Variants in ULK4 observed in about 807,000 individuals in gnomAD.
ULK4 encodes the protein inactive serine/threonine-protein kinase ULK4.
A neutral mutation model predicts 160.6 loss-of-function variants in ULK4; 133 were observed. The ratio of observed to expected loss-of-function variants is 0.83; its 90% confidence interval spans 0.72 to 0.96. The LOEUF is 0.96. Ranked by LOEUF, ULK4 falls within the 40% of genes least tolerant of loss-of-function variation. The pLI, the probability that ULK4 is intolerant of heterozygous loss-of-function variation, is 0.00. For synonymous variants in ULK4, 534 were observed against 539.8 expected, an observed-to-expected ratio of 0.99 and a Z score of 0.15; for missense variants, 1,580 against 1,499.5, an observed-to-expected ratio of 1.05 and a Z score of -0.89.
At chr3:41,569,018 G>C (rs2087879082) in intron 31 of ULK4, among the ~76,000 whole-genome samples, 1 of 152,128 alleles carries the variant, frequency 6.6e-6, no homozygotes, top group African/African-American at 2.4e-5. Flanking sequence ...TTACTATAAA[G>C]GACATTACAA....
intron 31 of ULK4, among the ~76,000 whole-genome samples, chr3:41,595,308 C>T (rs185167732): frequency 1.3e-5 from 2 of 152,122 alleles, no homozygotes; most frequent in Admixed American, 6.5e-5. Flanking sequence ...GATCCTGCCG[C>T]GGTCAACTTC....
chr3:41,334,445 G>A, intron 35 of ULK4, among the ~76,000 whole-genome samples: 1 of 152,240 alleles, frequency 6.6e-6, no homozygotes. Flanking sequence ...GAACCTATAT[G>A]ATGACTCTGG....
At position 41,793,900 on chromosome 3, in the gene ULK4, T is replaced by C. The variant is rs139796991; in HGVS notation, c.2011-4057A>G. Among the ~76,000 whole-genome samples, 931 of 152,338 alleles carry C rather than the reference T, an allele frequency of 6.1e-3. 6 individuals carry two copies. The highest frequency in any genetic ancestry group is 0.022 in the African/African-American group (902 of 41,584). ...CTGAGTGGAAAGGACAAGTTAGTTA[T>C]ATTTTACTCTAAGCCACACTGGTGT... On this transcript the variant is annotated intron_variant, in intron 20 of 36. Transcript: ENST00000301831.
rs2036565420 is a variant in ULK4 at position 41,698,325 on chromosome 3, C to T, written c.2781+6732G>A. 3.9e-5 allele frequency among the ~76,000 whole-genome samples: 6 copies of T among 152,202 alleles called. No individual in the cohort carries two copies. The South Asian group carries it at 1.2e-3, about 32-fold the overall frequency. The stretch of plus-strand genomic sequence containing the variant: ...CTCTTTTTTAGAAATGGGGTTATAG[C>T]TACATTGCCCAAGCTGGCCTTGAAC... On this transcript the variant is annotated intron_variant, in intron 27 of 36. Transcript: ENST00000301831.
chr3:41,620,466 G>A (rs945534817), intron 30 of ULK4, among the ~76,000 whole-genome samples: 20 of 152,056 alleles, frequency 1.3e-4, no homozygotes, highest in African/African-American at 4.1e-4. Context: ...TTCAACATAC[G>A]CAAATCAATA....
chr3:41,550,492 T>C (rs1235191128), intron 32 of ULK4, among the ~76,000 whole-genome samples: 3 of 151,928 alleles, frequency 2.0e-5, no homozygotes, highest in Admixed American at 1.3e-4. Context: ...GCTACATTTA[T>C]ATAAGATAAA....
At chr3:41,667,915 A>C (rs761288801) in intron 29 of ULK4, among the ~76,000 whole-genome samples, 1 of 152,206 alleles carries the variant, frequency 6.6e-6, no homozygotes, top group Non-Finnish European at 1.5e-5. Flanking sequence ...TTCATTACCA[A>C]TCCTATAATT....
chr3:41,933,165 C>T (rs2148823677), intron 4 of ULK4, among the ~76,000 whole-genome samples: 1 of 152,272 alleles, frequency 6.6e-6, no homozygotes, highest in African/African-American at 2.4e-5. Context: ...ATCAGAATCC[C>T]CTGGAAGACT....
At chr3:41,822,901 T>G (rs1410097816) in intron 18 of ULK4, among the ~76,000 whole-genome samples, 1 of 151,368 alleles carries the variant, frequency 6.6e-6, no homozygotes, top group Non-Finnish European at 1.5e-5. Flanking sequence ...TTTTTGTATT[T>G]TTAGAAGAGA....
At chr3:41,618,612 C>T (rs1040984248) in intron 30 of ULK4, among the ~76,000 whole-genome samples, 10 of 152,164 alleles carry the variant, frequency 6.6e-5, no homozygotes, top group Admixed American at 3.9e-4. Flanking sequence ...TTTACAGGAG[C>T]TCCTGAAGGA....
chr3:41,423,427 T>G (rs2082703914), intron 34 of ULK4, among the ~76,000 whole-genome samples: 1 of 152,154 alleles, frequency 6.6e-6, no homozygotes, highest in African/African-American at 2.4e-5. Context: ...AATCCAAGAC[T>G]TGCTACAATC....
At chr3:41,918,577 C>CTA (rs766695930) in intron 6 of ULK4, 37 bp from the exon 7 acceptor site, 1 of 875,506 alleles carries the variant, frequency 1.1e-6, no homozygotes, top group Non-Finnish European at 1.8e-6. Context: ...TGAAAGAAGT[C>CTA]TGCTATCACC....
intron 30 of ULK4, among the ~76,000 whole-genome samples, chr3:41,638,088 A>G (rs1023830985): frequency 2.6e-5 from 4 of 152,138 alleles, no homozygotes; most frequent in Admixed American, 2.0e-4. Context: ...CTTTGAGTTC[A>G]AAGATATACC....
chr3:41,314,268 C>T (rs3856730), intron 35 of ULK4, among the ~76,000 whole-genome samples: 84,574 of 152,026 alleles, frequency 0.56, 25,549 homozygotes, highest in African/African-American at 0.81. Context: ...ATATATTGTG[C>T]AGTGGTAAAG....
rs368542238 is a variant in ULK4, at chr3:41,874,808, C to T, written c.1656+9066G>A. Among the ~76,000 whole-genome samples the T allele has an allele frequency of 5.3e-5, 8 of 152,154 alleles. No individual in the cohort carries two copies. In the East Asian group the frequency reaches 7.7e-4, roughly 15 times the overall value. ...AATCTCAGACTTCACCATTATACAA[C>T]TCATCCATGTAATCAAAAACCACTT... On this transcript the variant is annotated intron_variant, in intron 17 of 36. Coordinates refer to ENST00000301831, the MANE Select transcript of ULK4 (RefSeq NM_017886.4).
At chr3:41,775,911 C>A (rs182958308) in intron 21 of ULK4, among the ~76,000 whole-genome samples, 1 of 150,788 alleles carries the variant, frequency 6.6e-6, no homozygotes, top group Non-Finnish European at 1.5e-5. Flanking sequence ...GTTTAATTAT[C>A]CAATCTCTTG....
chr3:41,635,750 C>T (rs1215784689), intron 30 of ULK4, among the ~76,000 whole-genome samples: 1 of 152,138 alleles, frequency 6.6e-6, no homozygotes, highest in Non-Finnish European at 1.5e-5. Flanking sequence ...GCAATTTGCT[C>T]ACAGTCACTC....
intron 34 of ULK4, among the ~76,000 whole-genome samples, chr3:41,434,414 A>T (rs2082986819): frequency 6.6e-6 from 1 of 152,218 alleles, no homozygotes; most frequent in Non-Finnish European, 1.5e-5. Flanking sequence ...ATTATATAAA[A>T]GGGGCATATA....
intron 30 of ULK4, among the ~76,000 whole-genome samples, chr3:41,647,636 G>T (rs2034564097): frequency 6.6e-6 from 1 of 152,190 alleles, no homozygotes; most frequent in South Asian, 2.1e-4. Flanking sequence ...GCTGCTTGGG[G>T]GTCAGGGGTC....
Sources: gnomAD v4.1 joint callset for allele counts (sites outside exome capture counted in the v4.1 genomes callset) on GRCh38, gnomAD v4.1.1 for gene constraint, MANE v1.5 for transcripts, NCBI Gene and HGNC (gene_info 2026-07-23, HGNC 2026-07-21) for gene names.